MDN1: variants seen among roughly 807,000 people sequenced by gnomAD.
MDN1 encodes the protein midasin AAA ATPase 1, also known as midasin.
In MDN1, 266 loss-of-function variants were observed where a neutral mutation model predicts 669.2. The observed-to-expected ratio is 0.40, with a 90% CI of 0.36 to 0.44. The LOEUF is 0.44. Among genes scored for constraint, MDN1 ranks in the 20% least tolerant of loss-of-function variants. MDN1 has a pLI of 1.00. For synonymous variants in MDN1, 2,385 were observed against 2,457.1 expected, an observed-to-expected ratio of 0.97 and a Z score of 0.87; for missense variants, 5,940 against 6,754.0, an observed-to-expected ratio of 0.88 and a Z score of 4.22.
chr6:89,734,422 C>T (rs760090519), intron 33 of MDN1, among the ~76,000 whole-genome samples: 3 of 152,014 alleles, frequency 2.0e-5, no homozygotes, highest in Non-Finnish European at 4.4e-5. Flanking sequence ...TGAGGCCAGG[C>T]ACCATGGCTC....
intron 86 of MDN1, 110 bp from the exon 87 acceptor site, chr6:89,662,349 G>T: frequency 8.9e-7 from 1 of 1,127,612 alleles, no homozygotes; most frequent in Non-Finnish European, 1.2e-6. Flanking sequence ...CCTATCCCAT[G>T]GATGGCTGAT....
chr6:89,643,882 A>T lies in MDN1; in HGVS notation c.*123T>A. ...CAGAGAGCATTCTGTAGGCTGTAAGATCACGTTGTAAAATAAAAATATTAC... is the reference window on the plus strand; with the variant it reads ...CAGAGAGCATTCTGTAGGCTGTAAGTTCACGTTGTAAAATAAAAATATTAC... On this transcript the variant is annotated 3_prime_UTR_variant, in exon 102 of 102. Transcript: ENST00000369393. 1.1e-6 allele frequency: 1 copy of T among 879,280 alleles called. No individual in the cohort carries two copies. The allele number at this position is 879,280 out of a possible 1,614,324, so 54.5% of individuals were successfully genotyped here. A position where few individuals can be genotyped will look rare whatever the true frequency, so the allele number is the denominator to read the frequency against.
At chr6:89,815,986 A>T (rs1449517399) in intron 1 of MDN1, among the ~76,000 whole-genome samples, 1 of 152,202 alleles carries the variant, frequency 6.6e-6, no homozygotes, top group Non-Finnish European at 1.5e-5. Flanking sequence ...AGCCCTGTTC[A>T]AGAGCAATTT....
intron 95 of MDN1, among the ~76,000 whole-genome samples, chr6:89,651,580 C>T (rs1012610085): frequency 1.1e-4 from 17 of 152,128 alleles, no homozygotes; most frequent in Admixed American, 2.6e-4. Flanking sequence ...TGCGCCACTG[C>T]ACTCCAGCCG....
chr6:89,699,327 T>A, intron 58 of MDN1, among the ~76,000 whole-genome samples: 1 of 152,230 alleles, frequency 6.6e-6, no homozygotes, highest in East Asian at 1.9e-4. Context: ...TCACAATATA[T>A]TTTTGAGCAA....
At chr6:89,691,560 C>A (rs1019878737) in intron 63 of MDN1, among the ~76,000 whole-genome samples, 1 of 150,582 alleles carries the variant, frequency 6.6e-6, no homozygotes, top group African/African-American at 2.4e-5. Context: ...GTTTTTTTGG[C>A]AAAACAGTAA....
intron 59 of MDN1, among the ~76,000 whole-genome samples, chr6:89,697,584 ATTT>A (rs778362344): frequency 2.8e-5 from 4 of 142,466 alleles, no homozygotes; most frequent in Admixed American, 7.1e-5. Flanking sequence ...GAACAACCCT[ATTT>A]TTTTTTTTTT....
intron 92 of MDN1, among the ~76,000 whole-genome samples, chr6:89,655,535 AT>A (rs879637451): frequency 2.6e-5 from 4 of 152,188 alleles, no homozygotes; most frequent in Non-Finnish European, 5.9e-5. Flanking sequence ...AACAAACTGT[AT>A]TTCTGCACAT....
intron 1 of MDN1, among the ~76,000 whole-genome samples, chr6:89,813,460 A>G (rs2128332241): frequency 6.6e-6 from 1 of 151,234 alleles, no homozygotes; most frequent in Non-Finnish European, 1.5e-5. Flanking sequence ...CTGAAACAGG[A>G]GAATTGCTTG....
chr6:89,653,209 C>T (rs1809002848), intron 93 of MDN1, 54 bp from the exon 94 acceptor site: 1 of 1,524,320 alleles, frequency 6.6e-7, no homozygotes, highest in African/African-American at 1.4e-5. Context: ...GATGACTGAC[C>T]AAGCCTTTGC....
chr6:89,771,885 T>C, intron 14 of MDN1, among the ~76,000 whole-genome samples: 1 of 152,088 alleles, frequency 6.6e-6, no homozygotes, highest in Non-Finnish European at 1.5e-5. Context: ...TTTTGTAATT[T>C]TTTGTAGAGA....
rs6930256 is a variant in MDN1, at chr6:89,790,789, G to C, written c.856-388C>G. On this transcript the variant is annotated intron_variant, in intron 5 of 101. Transcript: ENST00000369393. ...TAATACCAGCACTTTGTGAAGCCAA[G>C]GCAGGTGGATCACCTGAAGTCAGGA... Among the ~76,000 whole-genome samples, 881 of 152,336 alleles carry C rather than the reference G, an allele frequency of 5.8e-3. 10 individuals carry two copies. The highest frequency in any genetic ancestry group is 0.02 in the African/African-American group (837 of 41,588).
At chr6:89,676,280 A>G (rs540706831) in intron 76 of MDN1, 73 bp from the exon 77 acceptor site, 1 of 1,342,922 alleles carries the variant, frequency 7.4e-7, no homozygotes, top group African/African-American at 1.4e-5. Flanking sequence ...AAACTCAGAT[A>G]TTGGTATATT....
At chr6:89,723,825 G>C (rs1439031291) in intron 38 of MDN1, among the ~76,000 whole-genome samples, 2 of 152,106 alleles carry the variant, frequency 1.3e-5, no homozygotes, top group Admixed American at 6.6e-5. Flanking sequence ...TAGAGGTTTT[G>C]TTTTTAAGGT....
chr6:89,715,775 G>A lies in MDN1; in HGVS notation c.6744-6C>T. The A allele has an allele frequency of 6.3e-7, 1 of 1,581,826 alleles. No homozygotes were observed. The highest frequency in any genetic ancestry group is 8.7e-7 in the Non-Finnish European group (1 of 1,150,736). ...AACGATCCAACACTGATGGGCTGCA[G>A]AGACAGAATTCAGATGGTGGATAGG... On this transcript the variant is annotated splice_polypyrimidine_tract_variant and splice_region_variant and intron_variant, in intron 44 of 101. Transcript: ENST00000369393.
chr6:89,787,688 T>A (rs983401194), intron 8 of MDN1, among the ~76,000 whole-genome samples, 166 bp downstream of exon 8: 1 of 152,110 alleles, frequency 6.6e-6, no homozygotes, highest in Non-Finnish European at 1.5e-5. Context: ...TTATAAATTA[T>A]CTTCATTAAA....
At chr6:89,660,640 T>C (rs963157015) in intron 88 of MDN1, among the ~76,000 whole-genome samples, 1 of 43,580 alleles carries the variant, frequency 2.3e-5, no homozygotes, top group African/African-American at 6.9e-5. Flanking sequence ...TTCTTGGTAA[T>C]TGACTTTGTT....
At chr6:89,665,688 CA>C (rs1236114114) in intron 84 of MDN1, among the ~76,000 whole-genome samples, 1 of 125,880 alleles carries the variant, frequency 7.9e-6, no homozygotes, top group Non-Finnish European at 1.6e-5. Flanking sequence ...GCCTGGGTGA[CA>C]GAGCAAGACT....
chr6:89,684,398 A>AG (rs1312874881), intron 71 of MDN1, among the ~76,000 whole-genome samples: 1 of 151,952 alleles, frequency 6.6e-6, no homozygotes. Flanking sequence ...TTTAAAAAAA[A>AG]AAAAAAAAAA....
Sources: gnomAD v4.1 joint callset for allele counts (sites outside exome capture counted in the v4.1 genomes callset) on GRCh38, gnomAD v4.1.1 for gene constraint, MANE v1.5 for transcripts, NCBI Gene and HGNC (gene_info 2026-07-23, HGNC 2026-07-21) for gene names.